PCDH9: variants seen among roughly 807,000 people sequenced by gnomAD.
PCDH9 encodes protocadherin 9.
A neutral mutation model predicts 70.6 loss-of-function variants in PCDH9; 24 were observed. That is an observed-to-expected ratio of 0.34 (90% CI 0.25 to 0.48). The LOEUF is 0.48. Among genes scored for constraint, PCDH9 ranks in the 20% least tolerant of loss-of-function variants. The pLI is 0.99. For missense variants in PCDH9, 1,281 were observed against 1,503.6 expected (o/e 0.85, Z 2.45); for synonymous variants, 562 against 558.5 (o/e 1.01, Z -0.09).
chr13:66,337,994 T>C (rs1956064828), intron 4 of PCDH9, among the ~76,000 whole-genome samples: 1 of 152,100 alleles, frequency 6.6e-6, no homozygotes, highest in African/African-American at 2.4e-5. Context: ...CTCTTCTCCA[T>C]TGAGATCAGA....
chr13:66,329,195 G>C (rs1044668698), intron 4 of PCDH9, among the ~76,000 whole-genome samples: 2 of 152,102 alleles, frequency 1.3e-5, no homozygotes, highest in Admixed American at 6.5e-5. Context: ...AGACTAAACT[G>C]TAATTTCAGT....
At position 67,227,454 on chromosome 13, in the gene PCDH9, T is replaced by C. The variant is rs1166204781; in HGVS notation, c.987A>G (p.Thr329=). The change falls in exon 2 of 5, where the codon ACA becomes ACG. Residue 329 remains threonine, a synonymous_variant. Coordinates refer to ENST00000377865, the MANE Select transcript of PCDH9 (RefSeq NM_203487.3). The surrounding 1 kb of genome is among the most constrained non-coding windows in gnomAD (Gnocchi z 4.6). ...TGGAGCTGCCGTCACTAGCCAGCAC[T>C]GTCACTTTGTGAATGGCTGTCTCCT... The part of the protein sequence containing the change: ...DREETAIHKV[T]VLASDGSSTP... 2.5e-6 allele frequency: 4 copies of C among 1,613,984 alleles called. No homozygotes were observed. The highest frequency in any genetic ancestry group is 3.4e-6 in the Non-Finnish European group (4 of 1,179,894).
intron 2 of PCDH9, among the ~76,000 whole-genome samples, chr13:67,090,281 AG>A (rs1186713641): frequency 6.6e-6 from 1 of 152,028 alleles, no homozygotes; most frequent in African/African-American, 2.4e-5. Context: ...TATCCAGGGT[AG>A]GACTTCATAC....
chr13:66,399,361 G>C (rs1957152021), intron 4 of PCDH9, among the ~76,000 whole-genome samples: 1 of 152,116 alleles, frequency 6.6e-6, no homozygotes, highest in Non-Finnish European at 1.5e-5. Flanking sequence ...GGGTCAGACT[G>C]CATCTTTCTA....
At chr13:67,205,626 G>A (rs777788323) in intron 2 of PCDH9, 10 of 152,136 alleles carry the variant, frequency 6.6e-5, no homozygotes, top group African/African-American at 2.4e-4. Context: ...ACTCATGAAA[G>A]TGATTCCATC....
intron 4 of PCDH9, among the ~76,000 whole-genome samples, chr13:66,578,643 A>G (rs1362114962): frequency 6.6e-6 from 1 of 152,052 alleles, no homozygotes; most frequent in African/African-American, 2.4e-5. Flanking sequence ...ACTAGAAGCT[A>G]TATTGAAGTC....
chr13:66,718,749 T>C lies in PCDH9; in HGVS notation c.3139-87338A>G, dbSNP rs970785976. Among the ~76,000 whole-genome samples, 4 of 152,204 alleles carry C rather than the reference T, an allele frequency of 2.6e-5. No homozygotes were observed. The South Asian group carries it at 8.3e-4, about 31-fold the overall frequency. On this transcript the variant is annotated intron_variant, in intron 3 of 4. Coordinates refer to ENST00000377865, the MANE Select transcript of PCDH9 (RefSeq NM_203487.3). ...CCAAAAGAAATGTTGGTCCCCAAAA[T>C]AAACACCAGGGTTAACACTTCCTAT...
intron 3 of PCDH9, among the ~76,000 whole-genome samples, chr13:66,769,561 C>T (rs990314435): frequency 1.3e-4 from 20 of 151,588 alleles, no homozygotes; most frequent in African/African-American, 4.4e-4. Context: ...TTCTATCAAC[C>T]GAAATATGCT....
intron 4 of PCDH9, among the ~76,000 whole-genome samples, chr13:66,451,531 T>A (rs1958209981): frequency 6.6e-6 from 1 of 152,200 alleles, no homozygotes; most frequent in Non-Finnish European, 1.5e-5. Context: ...TGAATTAGTT[T>A]AACAATAAAA....
In PCDH9 at chr13:66,445,594, T is replaced by A. The variant is rs867006117; in HGVS notation, c.3341-140566A>T. ...TATATATTATATATACACATATATA[T>A]TATATACACATATATATTATATATA... On this transcript the variant is annotated intron_variant, in intron 4 of 4. Transcript: ENST00000377865. Among the ~76,000 whole-genome samples the A allele has an allele frequency of 3.7e-3, 490 of 132,738 alleles. 6 individuals are homozygous for A. The highest frequency in any genetic ancestry group is 0.015 in the African/African-American group (457 of 31,010). 87.1% of individuals were successfully genotyped at this position (132,738 alleles called of 152,430 possible).
intron 2 of PCDH9, among the ~76,000 whole-genome samples, chr13:67,190,962 T>A (rs1415784902): frequency 6.6e-6 from 1 of 152,092 alleles, no homozygotes; most frequent in African/African-American, 2.4e-5. Context: ...TTCTTCTTAC[T>A]GAAAAACACT....
intron 4 of PCDH9, among the ~76,000 whole-genome samples, chr13:66,539,619 C>T (rs991766587): frequency 2.6e-5 from 4 of 152,090 alleles, no homozygotes; most frequent in African/African-American, 9.7e-5. Flanking sequence ...CCCACAGAAT[C>T]TGAAGCTAAA....
intron 4 of PCDH9, among the ~76,000 whole-genome samples, chr13:66,537,472 AG>A (rs1437059547): frequency 6.6e-6 from 1 of 152,144 alleles, no homozygotes; most frequent in African/African-American, 2.4e-5. Flanking sequence ...ACATCCAAAC[AG>A]AAAACCTCCA....
At position 66,458,477 on chromosome 13, in the gene PCDH9, G is replaced by T. The variant is rs537806327; in HGVS notation, c.3341-153449C>A. ...CTCCAACAGAAGCAAAGTATTAAGA[G>T]AGCTGGTCACCTTTTTCTGTTTTCT... On this transcript the variant is annotated intron_variant, in intron 4 of 4. Transcript: ENST00000377865. 3.3e-4 allele frequency among the ~76,000 whole-genome samples: 50 copies of T among 152,116 alleles called. 1 individual carries two copies. Among genetic ancestry groups the T allele is most frequent in the Admixed American group, 3.3e-3 (50 of 15,240 alleles).
intron 4 of PCDH9, among the ~76,000 whole-genome samples, chr13:66,628,591 C>T (rs531264843): frequency 3.3e-5 from 5 of 152,198 alleles, no homozygotes; most frequent in African/African-American, 9.7e-5. Context: ...TGCCCAGACT[C>T]CTGGTCTCAA....
intron 4 of PCDH9, among the ~76,000 whole-genome samples, chr13:66,439,214 T>A (rs1754883394): frequency 6.6e-6 from 1 of 152,216 alleles, no homozygotes; most frequent in African/African-American, 2.4e-5. Context: ...AATTCACTTC[T>A]TTTAATTCGG....
chr13:66,684,228 G>A (rs1291306707), intron 3 of PCDH9, among the ~76,000 whole-genome samples: 1 of 152,292 alleles, frequency 6.6e-6, no homozygotes, highest in East Asian at 1.9e-4. Context: ...TAAGAGAACT[G>A]TATTTAACTA....
At chr13:67,143,590 A>ATAG (rs2087450390) in intron 2 of PCDH9, among the ~76,000 whole-genome samples, 1 of 152,162 alleles carries the variant, frequency 6.6e-6, no homozygotes, top group Non-Finnish European at 1.5e-5. Context: ...AATAATAATA[A>ATAG]TAAAATACAA....
chr13:66,994,341 C>T (rs1433746333), intron 2 of PCDH9, among the ~76,000 whole-genome samples: 4 of 152,196 alleles, frequency 2.6e-5, no homozygotes, highest in African/African-American at 9.7e-5. Context: ...CCTGCAAAGC[C>T]GGACGCAGTA....
Sources: gnomAD v4.1 joint callset for allele counts (sites outside exome capture counted in the v4.1 genomes callset) on GRCh38, gnomAD v4.1.1 for gene constraint, Gnocchi (gnomAD v3.1) non-coding constraint, MANE v1.5 for transcripts, NCBI Gene and HGNC (gene_info 2026-07-23, HGNC 2026-07-21) for gene names.